Variants in KIRREL3 observed in about 807,000 individuals in gnomAD.
KIRREL3 encodes the protein kirre like nephrin family adhesion molecule 3.
KIRREL3 carries 36 observed loss-of-function variants against 89.7 expected under a neutral mutation model. The observed-to-expected ratio is 0.40, with a 90% CI of 0.31 to 0.53. KIRREL3 has a LOEUF of 0.53. Ranked by LOEUF, KIRREL3 falls within the 20% of genes least tolerant of loss-of-function variation. The pLI is 0.49. For synonymous variants in KIRREL3, 445 were observed against 441.4 expected, an observed-to-expected ratio of 1.01 and a Z score of -0.10; for missense variants, 864 against 1,056.6, an observed-to-expected ratio of 0.82 and a Z score of 2.53.
At position 126,926,194 on chromosome 11, in the gene KIRREL3, G is replaced by A. The variant is rs76520447; in HGVS notation, c.55+74261C>T. Among the ~76,000 whole-genome samples the A allele has an allele frequency of 8.7e-3, 1,332 of 152,358 alleles. 8 individuals are homozygous for A. Among genetic ancestry groups the A allele is most frequent in the Non-Finnish European group, 0.014 (981 of 68,032 alleles). ...AACAAAGGACAGGTGGGTGGCAGAC[G>A]AAAACTTGGGGCCTGGCACACCTGG... On this transcript the variant is annotated intron_variant, in intron 1 of 16. Transcript: ENST00000525144.
rs181517493 is a variant in KIRREL3 at position 126,948,502 on chromosome 11, A to G, written c.55+51953T>C. On this transcript the variant is annotated intron_variant, in intron 1 of 16. Coordinates refer to ENST00000525144, the MANE Select transcript of KIRREL3 (RefSeq NM_032531.4). This position sits in a 1 kb window ranked among gnomAD's most constrained non-coding sequence, Gnocchi z 4.5. Reference sequence around the variant, plus strand: ...TTGTTCATAGTGCAATGCCCAAAGAACTAGCATAGTTCTTCCCCAGGGTTA... The same window carrying G: ...TTGTTCATAGTGCAATGCCCAAAGAGCTAGCATAGTTCTTCCCCAGGGTTA... Among the ~76,000 whole-genome samples the G allele has an allele frequency of 3.0e-4, 45 of 152,312 alleles. No homozygotes were observed. The highest frequency in any genetic ancestry group is 1.1e-3 in the African/African-American group (44 of 41,564).
chr11:126,521,510 G>T lies in KIRREL3; in HGVS notation c.284-46C>A. 6.6e-7 allele frequency: 1 copy of T among 1,524,812 alleles called. No individual in the cohort carries two copies. Among genetic ancestry groups the T allele is most frequent in the Non-Finnish European group, 8.9e-7 (1 of 1,128,448 alleles). 94.5% of individuals were successfully genotyped at this position (1,524,812 alleles called of 1,614,324 possible). On this transcript the variant is annotated intron_variant, in intron 3 of 16. Transcript: ENST00000525144. The surrounding 1 kb of genome is among the most constrained non-coding windows in gnomAD (Gnocchi z 4.1). ...TCAGGGAGCTGGGGTGGGGTGGAGG[G>T]GACACCCATGACAAAGAGGCACAGA...
chr11:126,698,823 G>A (rs909797361), intron 1 of KIRREL3, among the ~76,000 whole-genome samples: 1 of 152,252 alleles, frequency 6.6e-6, no homozygotes, highest in East Asian at 1.9e-4. Flanking sequence ...GAGAAGACAG[G>A]TGGCCTCGTG....
chr11:126,674,604 A>G (rs1946103487), intron 1 of KIRREL3, among the ~76,000 whole-genome samples: 1 of 152,178 alleles, frequency 6.6e-6, no homozygotes, highest in Non-Finnish European at 1.5e-5. Flanking sequence ...ATTCACCAAC[A>G]GCCCTTGCAC....
chr11:126,764,337 G>GAAAA lies in KIRREL3; in HGVS notation c.56-201429_56-201426dup, dbSNP rs576730163. 1.3e-5 allele frequency among the ~76,000 whole-genome samples: 2 copies of GAAAA among 149,024 alleles called. No homozygotes were observed. Among genetic ancestry groups the GAAAA allele is most frequent in the Non-Finnish European group, 3.0e-5 (2 of 67,096 alleles). Reference sequence around the variant, plus strand: ...CCTCTTTCTTAGCTAGATACAGATGGAAAAAAAAAATGACAGCATTGGGCT... The same window carrying GAAAA: ...CCTCTTTCTTAGCTAGATACAGATGGAAAAAAAAAAAAAATGACAGCATTGGGCT... On this transcript the variant is annotated intron_variant, in intron 1 of 16. Coordinates refer to ENST00000525144, the MANE Select transcript of KIRREL3 (RefSeq NM_032531.4). The surrounding 1 kb of genome is among the most constrained non-coding windows in gnomAD (Gnocchi z 4.2).
intron 1 of KIRREL3, among the ~76,000 whole-genome samples, chr11:126,774,302 G>A (rs763871409): frequency 3.2e-4 from 49 of 152,144 alleles, no homozygotes; most frequent in Non-Finnish European, 6.0e-4. Flanking sequence ...CCGAAGAAGG[G>A]GGAAAGAACT....
chr11:126,448,276 T>C (rs1285344458), intron 8 of KIRREL3, among the ~76,000 whole-genome samples: 5 of 83,468 alleles, frequency 6.0e-5, no homozygotes, highest in Non-Finnish European at 6.4e-5. Flanking sequence ...AGTGAGACTG[T>C]CTCAAAAAAA....
intron 2 of KIRREL3, among the ~76,000 whole-genome samples, chr11:126,560,649 C>T (rs1940049719): frequency 6.6e-6 from 1 of 152,178 alleles, no homozygotes; most frequent in South Asian, 2.1e-4. Context: ...TAGGGAAGCA[C>T]TTCTCCCTGG....
In KIRREL3 at chr11:126,606,169, C is replaced by T. The variant is rs1312421229; in HGVS notation, c.56-43257G>A. Among the ~76,000 whole-genome samples, 3 of 152,208 alleles carry T rather than the reference C, an allele frequency of 2.0e-5. No homozygotes were observed. The highest frequency in any genetic ancestry group is 7.2e-5 in the African/African-American group (3 of 41,450). ...AGCATAAGCCATGGGAAGCTCTTAG[C>T]AGGCACCCAGCATCTAAAGCACTCA... On this transcript the variant is annotated intron_variant, in intron 1 of 16. Transcript: ENST00000525144. The surrounding 1 kb of genome is among the most constrained non-coding windows in gnomAD (Gnocchi z 4.6).
chr11:126,828,972 G>A (rs1181431686), intron 1 of KIRREL3, among the ~76,000 whole-genome samples: 1 of 152,124 alleles, frequency 6.6e-6, no homozygotes, highest in Non-Finnish European at 1.5e-5. Flanking sequence ...GGCCACTGCT[G>A]TGATTCCTCT....
intron 1 of KIRREL3, among the ~76,000 whole-genome samples, chr11:126,959,278 G>A (rs528713082): frequency 5.3e-5 from 8 of 151,684 alleles, no homozygotes; most frequent in Non-Finnish European, 1.2e-4. Context: ...TCATCTATCT[G>A]TGTATCTATC....
intron 1 of KIRREL3, among the ~76,000 whole-genome samples, chr11:126,793,959 G>C (rs1335353749): frequency 1.3e-5 from 2 of 152,112 alleles, no homozygotes; most frequent in South Asian, 2.1e-4. Context: ...GGCCTGAAAG[G>C]GTGCATTTCT....
Position 126,484,692 on chromosome 11 carries a change from G to A in KIRREL3, c.434-11226C>T, listed in dbSNP as rs1591616961. 6.6e-6 allele frequency among the ~76,000 whole-genome samples: 1 copy of A among 152,176 alleles called. No homozygotes were observed. Among genetic ancestry groups the A allele is most frequent in the South Asian group, 2.1e-4 (1 of 4,830 alleles). Reference sequence around the variant, plus strand: ...ATCCTGTATTTTATCTGGCAATCCTGTAGATGTGTTAATTACATATATGTG... The same window carrying A: ...ATCCTGTATTTTATCTGGCAATCCTATAGATGTGTTAATTACATATATGTG... On this transcript the variant is annotated intron_variant, in intron 4 of 16. Transcript: ENST00000525144. This position sits in a 1 kb window ranked among gnomAD's most constrained non-coding sequence, Gnocchi z 5.2.
intron 12 of KIRREL3, among the ~76,000 whole-genome samples, chr11:126,435,653 T>TTGCATA (rs1283910215): frequency 6.6e-6 from 1 of 152,138 alleles, no homozygotes; most frequent in Non-Finnish European, 1.5e-5. Flanking sequence ...TGGATGATAT[T>TTGCATA]ATGCAAATTA....
intron 1 of KIRREL3, among the ~76,000 whole-genome samples, chr11:126,680,882 C>T (rs1946423547): frequency 6.6e-6 from 1 of 152,062 alleles, no homozygotes; most frequent in Admixed American, 6.5e-5. Context: ...GAAATATTAC[C>T]TTCAGCAGCA....
At chr11:126,583,841 G>A (rs1247051295) in intron 1 of KIRREL3, among the ~76,000 whole-genome samples, 1 of 152,228 alleles carries the variant, frequency 6.6e-6, no homozygotes, top group Non-Finnish European at 1.5e-5. Context: ...ACAGCTGACG[G>A]CAGGCCCGAG....
chr11:126,566,354 C>T lies in KIRREL3; in HGVS notation c.56-3442G>A, dbSNP rs1940519124. Among the ~76,000 whole-genome samples, 1 of 152,210 alleles carries T rather than the reference C, an allele frequency of 6.6e-6. No individual in the cohort carries two copies. The highest frequency in any genetic ancestry group is 1.5e-5 in the Non-Finnish European group (1 of 68,040). On this transcript the variant is annotated intron_variant, in intron 1 of 16. Transcript: ENST00000525144. The surrounding 1 kb of genome is among the most constrained non-coding windows in gnomAD (Gnocchi z 4.9). Reference sequence around the variant, plus strand: ...CCCTTGGGAACTCCTGGCCTCTGGACTCTGAGCAACTGAAGTGTCAGGACT... The same window carrying T: ...CCCTTGGGAACTCCTGGCCTCTGGATTCTGAGCAACTGAAGTGTCAGGACT...
rs184135794 is a variant in KIRREL3, at chr11:126,995,023, G to A, written c.55+5432C>T. 2.5e-4 allele frequency: 91 copies of A among 363,764 alleles called. No individual in the cohort carries two copies. Among genetic ancestry groups the A allele is most frequent in the African/African-American group, 1.8e-3 (83 of 46,828 alleles). The allele number at this position is 363,764 out of a possible 1,614,324, so 22.5% of individuals were successfully genotyped here. On this transcript the variant is annotated intron_variant, in intron 1 of 16. Coordinates refer to ENST00000525144, the MANE Select transcript of KIRREL3 (RefSeq NM_032531.4). The surrounding 1 kb of genome is among the most constrained non-coding windows in gnomAD (Gnocchi z 6.5). The stretch of plus-strand genomic sequence containing the variant: ...AACAGTACTGTGTCTCGGTGCAGTC[G>A]ATTCTCACATCATTCCTCTAACTGG...
At chr11:126,779,281 C>T (rs150166915) in intron 1 of KIRREL3, among the ~76,000 whole-genome samples, 124 of 152,300 alleles carry the variant, frequency 8.1e-4, no homozygotes, top group African/African-American at 2.9e-3. Context: ...CTCACCTCTC[C>T]CAGCTCACCC....
Sources: gnomAD v4.1 joint callset for allele counts (sites outside exome capture counted in the v4.1 genomes callset) on GRCh38, gnomAD v4.1.1 for gene constraint, Gnocchi (gnomAD v3.1) non-coding constraint, MANE v1.5 for transcripts, NCBI Gene and HGNC (gene_info 2026-07-23, HGNC 2026-07-21) for gene names.